Variants in PFKM observed in about 807,000 individuals in gnomAD.
PFKM encodes the protein ATP-dependent 6-phosphofructokinase, muscle type.
In PFKM, 58 loss-of-function variants were observed where a neutral mutation model predicts 95.5. The observed-to-expected ratio is 0.61, with a 90% CI of 0.49 to 0.76. PFKM has a LOEUF of 0.76. Among genes scored for constraint, PFKM ranks in the 30% least tolerant of loss-of-function variants. The pLI is 0.00. For missense variants in PFKM, 678 were observed against 1,005.4 expected (o/e 0.67, Z 4.40); for synonymous variants, 336 against 357.2 (o/e 0.94, Z 0.67).
intron 1 of PFKM, among the ~76,000 whole-genome samples, chr12:48,121,369 G>T (rs943465536): frequency 6.6e-6 from 1 of 152,204 alleles, no homozygotes; most frequent in Non-Finnish European, 1.5e-5. Flanking sequence ...TAGAAGCTTC[G>T]AATGCCAACC....
chr12:48,106,190 C>T, intron 1 of PFKM: 1 of 683,626 alleles, frequency 1.5e-6, no homozygotes, highest in Non-Finnish European at 2.7e-6. Context: ...GAGTTAAGGA[C>T]CAGTGGGGCG....
At chr12:48,135,172 C>G (rs952069073) in intron 9 of PFKM, 119 bp from the exon 10 acceptor site, 18 of 1,124,854 alleles carry the variant, frequency 1.6e-5, no homozygotes, top group Non-Finnish European at 2.4e-5. Flanking sequence ...TGATTGCCTC[C>G]CACAAAGAAC....
chr12:48,141,881 C>T lies in PFKM; in HGVS notation c.1501-33C>T. ...CTCCCTCCTACCTCCTCTCCCTCTC[C>T]CCAATCCTGCCCTTGTGCTCTCTTC... On this transcript the variant is annotated intron_variant, in intron 16 of 22. Coordinates refer to ENST00000359794, the MANE Select transcript of PFKM (RefSeq NM_000289.6). 3.1e-6 allele frequency: 5 copies of T among 1,613,990 alleles called. No individual in the cohort carries two copies. The Middle Eastern group carries it at 8.2e-4, about 266-fold the overall frequency.
At chr12:48,137,888 C>A in intron 11 of PFKM, 42 bp downstream of exon 11, 1 of 1,612,200 alleles carries the variant, frequency 6.2e-7, no homozygotes, top group Non-Finnish European at 8.5e-7. Context: ...ACTCTCAAGC[C>A]CCTGCCTTGG....
chr12:48,136,604 AC>A (rs1173086596), intron 10 of PFKM, among the ~76,000 whole-genome samples: 2 of 150,708 alleles, frequency 1.3e-5, no homozygotes, highest in African/African-American at 4.9e-5. Context: ...ATACTGCCCA[AC>A]TGTTTCCAGA....
intron 3 of PFKM, among the ~76,000 whole-genome samples, chr12:48,109,407 G>A (rs967842939): frequency 6.9e-6 from 1 of 144,326 alleles, no homozygotes; most frequent in African/African-American, 2.6e-5. Context: ...AACTGTTTGT[G>A]GTCTACATCC....
intron 2 of PFKM, among the ~76,000 whole-genome samples, chr12:48,124,928 T>G (rs764714744): frequency 6.6e-6 from 1 of 152,156 alleles, no homozygotes; most frequent in Non-Finnish European, 1.5e-5. Context: ...GGAGAAAACA[T>G]AGAAATGTTT....
Position 48,145,872 on chromosome 12 carries a change from T to TG in PFKM, c.*167dup. 1 of 687,162 alleles carries TG rather than the reference T, an allele frequency of 1.5e-6. No homozygotes were observed. Among genetic ancestry groups the TG allele is most frequent in the East Asian group, 2.7e-5 (1 of 36,904 alleles). The allele number at this position is 687,162 out of a possible 1,614,324, so 42.6% of individuals were successfully genotyped here. On this transcript the variant is annotated 3_prime_UTR_variant, in exon 23 of 23. Coordinates refer to ENST00000359794, the MANE Select transcript of PFKM (RefSeq NM_000289.6). This position sits in a 1 kb window ranked among gnomAD's most constrained non-coding sequence, Gnocchi z 4.3. ...GGCCAGGAGCTGGAGGAGCAGGCAG[T>TG]GGGTGGGAGCTCCTTTTAGGTAGAA...
intron 1 of PFKM, chr12:48,107,351 G>T: frequency 6.5e-7 from 1 of 1,530,360 alleles, no homozygotes; most frequent in Non-Finnish European, 8.9e-7. Flanking sequence ...ATTAAACTCT[G>T]TCTCTATTTC....
chr12:48,134,100 C>T lies in PFKM; in HGVS notation c.594-132C>T, dbSNP rs1450186097. 5 of 803,202 alleles carry T rather than the reference C, an allele frequency of 6.2e-6. No individual in the cohort carries two copies. The South Asian group carries it at 6.7e-5, about 11-fold the overall frequency. The allele number at this position is 803,202 out of a possible 1,614,324, so 49.8% of individuals were successfully genotyped here. On this transcript the variant is annotated intron_variant, in intron 6 of 22. Transcript: ENST00000359794. ...AGTATTTCCCCTAGGTCTTCCTGGT[C>T]TCAGGAAGCCTGCTAGAAGGCCTGG...
intron 4 of PFKM, 122 bp from the exon 5 acceptor site, chr12:48,132,746 G>T: frequency 1.2e-6 from 1 of 822,160 alleles, no homozygotes; most frequent in Non-Finnish European, 2.1e-6. Context: ...TCACTCTTAA[G>T]GATGTCAAGG....
At chr12:48,137,094 C>T (rs1363991760) in intron 10 of PFKM, among the ~76,000 whole-genome samples, 2 of 148,710 alleles carry the variant, frequency 1.3e-5, no homozygotes, top group African/African-American at 5.0e-5. Flanking sequence ...TGGAGTCTTG[C>T]TCTATCACCC....
intron 20 of PFKM, 134 bp from the exon 21 acceptor site, chr12:48,144,897 A>G (rs1000503634): frequency 1.1e-5 from 8 of 733,580 alleles, no homozygotes; most frequent in African/African-American, 8.8e-5. Context: ...GCACCCTTTC[A>G]TAGTTTGACT....
chr12:48,134,925 C>T lies in PFKM; in HGVS notation c.748-18C>T, dbSNP rs1261467301. On this transcript the variant is annotated intron_variant, in intron 8 of 22. Coordinates refer to ENST00000359794, the MANE Select transcript of PFKM (RefSeq NM_000289.6). ...CAGCTTCATTCCATGGACCATTTTACCCTTTGTTCTCAACCAGACAAGGAC... is the reference window on the plus strand; with the variant it reads ...CAGCTTCATTCCATGGACCATTTTATCCTTTGTTCTCAACCAGACAAGGAC... The T allele has an allele frequency of 3.1e-6, 5 of 1,609,226 alleles. No homozygotes were observed. In the African/African-American group the frequency reaches 4.0e-5, roughly 13 times the overall value.
chr12:48,108,717 G>A (rs1481533582), intron 3 of PFKM, among the ~76,000 whole-genome samples: 1 of 152,108 alleles, frequency 6.6e-6, no homozygotes. Flanking sequence ...ACACATCTAT[G>A]TATTTCGTCT....
chr12:48,136,469 ACTATGAAC>A (rs1420287999), intron 10 of PFKM, among the ~76,000 whole-genome samples: 1 of 152,234 alleles, frequency 6.6e-6, no homozygotes, highest in African/African-American at 2.4e-5. Flanking sequence ...GGATAAAGCG[ACTATGAAC>A]ATTTGTGTAC....
intron 15 of PFKM, 107 bp from the exon 16 acceptor site, chr12:48,141,633 A>G (rs1449937888): frequency 4.3e-6 from 4 of 929,274 alleles, no homozygotes; most frequent in African/African-American, 3.2e-5. Flanking sequence ...AGGTCAAGAA[A>G]TTAAAAATAA....
chr12:48,118,697 C>G, upstream of PFKM: 2 of 656,008 alleles, frequency 3.0e-6, no homozygotes, highest in Non-Finnish European at 5.5e-6. Context: ...GAATCCCGCC[C>G]CCATCCCTCC....
intron 3 of PFKM, among the ~76,000 whole-genome samples, chr12:48,113,960 C>T (rs377262788): frequency 2.0e-5 from 3 of 152,090 alleles, no homozygotes; most frequent in East Asian, 1.9e-4. Flanking sequence ...TTCTTTACCT[C>T]GGGTAGTTTC....
Sources: allele counts gnomAD v4.1 joint callset (sites outside exome capture counted in the v4.1 genomes callset), GRCh38; gene constraint gnomAD v4.1.1; non-coding constraint Gnocchi (gnomAD v3.1); transcripts MANE v1.5; gene names NCBI Gene and HGNC (gene_info 2026-07-23, HGNC 2026-07-21).